Variants in TPI1 observed in about 807,000 individuals in gnomAD.
The protein encoded by TPI1 is triosephosphate isomerase 1.
Under a neutral mutation model 31.0 loss-of-function variants are expected in TPI1, and 11 were observed. The ratio of observed to expected loss-of-function variants is 0.36; its 90% confidence interval spans 0.22 to 0.59. The LOEUF is 0.59. Among genes scored for constraint, TPI1 ranks in the 20% least tolerant of loss-of-function variants. TPI1 has a pLI of 0.79. For missense variants in TPI1, 245 were observed against 319.7 expected (o/e 0.77, Z 1.78); for synonymous variants, 121 against 122.8 (o/e 0.99, Z 0.10).
In TPI1 at chr12:6,870,287, C is replaced by G; in HGVS notation, c.654C>G (p.Cys218Trp). 1 of 1,614,184 alleles carries G rather than the reference C, an allele frequency of 6.2e-7. No individual in the cohort carries two copies. The highest frequency in any genetic ancestry group is 8.5e-7 in the Non-Finnish European group (1 of 1,180,022). Residue 218 changes from cysteine (C) to tryptophan (W), a missense_variant, in exon 7 of 7, where the codon TGC (cysteine) becomes TGG (tryptophan). Cys to Trp is a radical substitution (Grantham distance 215). Transcript: ENST00000396705. Reference sequence around the variant, plus strand: ...CAGGCTCTGTGACTGGGGCAACCTGCAAGGAGCTGGCCAGCCAGCCTGATG... The same window carrying G: ...CAGGCTCTGTGACTGGGGCAACCTGGAAGGAGCTGGCCAGCCAGCCTGATG... ...IYGGSVTGAT[C>W]KELASQPDVD...
intron 1 of TPI1, chr12:6,868,048 C>G: frequency 2.4e-6 from 3 of 1,226,426 alleles, no homozygotes; most frequent in Non-Finnish European, 3.1e-6. Context: ...CGTGGGCTTC[C>G]CGCTCCCTGC....
chr12:6,868,160 G>GA (rs1555131795), intron 1 of TPI1: 19 of 1,282,978 alleles, frequency 1.5e-5, no homozygotes, highest in Non-Finnish European at 1.8e-5. Context: ...GGCTCCCTGA[G>GA]CCCCAGATCT....
At chr12:6,868,337 A>G in intron 1 of TPI1, 1 of 1,287,678 alleles carries the variant, frequency 7.8e-7, no homozygotes, top group Non-Finnish European at 1.0e-6. Context: ...TCTGCCACCC[A>G]CGGGCAAAGG....
Position 6,868,856 on chromosome 12 carries a change from G to GTCCTCAGAGGTGGTTTGTGC in TPI1, c.116-4_131dup. The GTCCTCAGAGGTGGTTTGTGC allele has an allele frequency of 6.2e-7, 1 of 1,611,488 alleles. No individual in the cohort carries two copies. The highest frequency in any genetic ancestry group is 1.1e-5 in the South Asian group (1 of 90,712). ...TCTCATCCCCCTGTGGTACCATCTTGTCCTCAGAGGTGGTTTGTGCTCCCC... is the reference window on the plus strand; with the variant it reads ...TCTCATCCCCCTGTGGTACCATCTTGTCCTCAGAGGTGGTTTGTGCTCCTCAGAGGTGGTTTGTGCTCCCC... On this transcript the variant is annotated splice_region_variant and splice_polypyrimidine_tract_variant and intron_variant, in intron 1 of 6. Coordinates refer to ENST00000396705, the MANE Select transcript of TPI1 (RefSeq NM_000365.6).
At chr12:6,869,582 A>G (rs782783599) in intron 4 of TPI1, 106 bp from the exon 5 acceptor site, 11 of 1,483,970 alleles carry the variant, frequency 7.4e-6, no homozygotes, top group African/African-American at 2.8e-5. Context: ...AAATCCCCCA[A>G]TGTCCACTAG....
chr12:6,868,982 G>A lies in TPI1; in HGVS notation c.234G>A (p.Glu78=), dbSNP rs1555132084. 1.2e-6 allele frequency: 2 copies of A among 1,614,220 alleles called. No homozygotes were observed. The highest frequency in any genetic ancestry group is 1.7e-6 in the Non-Finnish European group (2 of 1,180,038). Residue 78 remains glutamate (E), a synonymous_variant, in exon 2 of 7, where the codon GAG becomes GAA. Coordinates refer to ENST00000396705, the MANE Select transcript of TPI1 (RefSeq NM_000365.6). ...TGACTAATGGGGCTTTTACTGGGGA[G>A]ATCAGGTGAGATCGAGGTGGAGAGG... ...YKVTNGAFTG[E]ISPGMIKDCG... is the part of the protein sequence containing the mutation.
At position 6,868,780 on chromosome 12, in the gene TPI1, G is replaced by A. The variant is rs782290563; in HGVS notation, c.116-84G>A. 7.7e-4 allele frequency: 1,186 copies of A among 1,543,028 alleles called. 4 individuals are homozygous for A. The highest frequency in any genetic ancestry group is 7.3e-4 in the Non-Finnish European group (834 of 1,144,424). Reference sequence around the variant, plus strand: ...CCAAGAAGAAGAGGGTGAGGGCTGGGGGGCTCCAGGGCACTGGTTAGGAAT... The same window carrying A: ...CCAAGAAGAAGAGGGTGAGGGCTGGAGGGCTCCAGGGCACTGGTTAGGAAT... On this transcript the variant is annotated intron_variant, in intron 1 of 6. Transcript: ENST00000396705.
rs1555131439 is a variant in TPI1, at chr12:6,867,558, T to G, written c.-9T>G. ...AGACACTGACCTTCAGCGCCTCGGC[T>G]CCAGCGCCATGGCGCCCTCCAGGAA... On this transcript the variant is annotated 5_prime_UTR_variant, in exon 1 of 7. Transcript: ENST00000396705. The G allele has an allele frequency of 1.2e-6, 2 of 1,611,734 alleles. No homozygotes were observed. Among genetic ancestry groups the G allele is most frequent in the Non-Finnish European group, 8.5e-7 (1 of 1,179,382 alleles).
chr12:6,870,596 A>C lies in TPI1; in HGVS notation c.*213A>C, dbSNP rs782268446. 7 of 725,966 alleles carry C rather than the reference A, an allele frequency of 9.6e-6. No individual in the cohort carries two copies. Among genetic ancestry groups the C allele is most frequent in the Non-Finnish European group, 1.8e-5 (7 of 391,654 alleles). The allele number at this position is 725,966 out of a possible 1,614,324, so 45.0% of individuals were successfully genotyped here. A position where few individuals can be genotyped will look rare whatever the true frequency, so the allele number is the denominator to read the frequency against. On this transcript the variant is annotated 3_prime_UTR_variant, in exon 7 of 7. Coordinates refer to ENST00000396705, the MANE Select transcript of TPI1 (RefSeq NM_000365.6). Reference sequence around the variant, plus strand: ...TTCTCCACTTACTATAATGGTTGGAACTAAACGTCACCAAGGTGGCTTCTC... The same window carrying C: ...TTCTCCACTTACTATAATGGTTGGACCTAAACGTCACCAAGGTGGCTTCTC...
intron 1 of TPI1, chr12:6,868,528 A>G: frequency 7.8e-7 from 1 of 1,281,986 alleles, no homozygotes; most frequent in South Asian, 1.4e-5. Context: ...GGGCTATTTT[A>G]GAAGGGAAGC....
chr12:6,869,014 T>TG (rs1324441627), intron 2 of TPI1, 27 bp downstream of exon 2: 1 of 1,614,046 alleles, frequency 6.2e-7, no homozygotes, highest in Non-Finnish European at 8.5e-7. Context: ...GAGGGGTGTG[T>TG]GGGACCCTTC....
intron 1 of TPI1, chr12:6,868,065 G>T: frequency 2.4e-6 from 3 of 1,226,260 alleles, no homozygotes; most frequent in Non-Finnish European, 3.1e-6. Flanking sequence ...CTGCGCCCTG[G>T]CCTCCCGCGC....
chr12:6,868,518 G>T (rs1555131947), intron 1 of TPI1: 1 of 1,279,402 alleles, frequency 7.8e-7, no homozygotes. Context: ...AGGTGAGGAT[G>T]GGCTATTTTA....
At position 6,869,085 on chromosome 12, in the gene TPI1, A is replaced by C; in HGVS notation, c.240-14A>C. 1 of 1,614,196 alleles carries C rather than the reference A, an allele frequency of 6.2e-7. No homozygotes were observed. Among genetic ancestry groups the C allele is most frequent in the Non-Finnish European group, 8.5e-7 (1 of 1,180,030 alleles). ...GGGCTCCCTGCTGAACCTTGGCTTC[A>C]TCTCTTCCTTTAGCCCTGGCATGAT... On this transcript the variant is annotated splice_polypyrimidine_tract_variant and intron_variant, in intron 2 of 6. Transcript: ENST00000396705.
At chr12:6,868,192 T>A (rs1944502369) in intron 1 of TPI1, 1 of 1,287,772 alleles carries the variant, frequency 7.8e-7, no homozygotes, top group African/African-American at 1.5e-5. Context: ...TTCGGCAACC[T>A]GAACGACTCC....
chr12:6,868,949 C>T lies in TPI1; in HGVS notation c.201C>T (p.Cys67=). 6 of 1,614,200 alleles carry T rather than the reference C, an allele frequency of 3.7e-6. No individual in the cohort carries two copies. The highest frequency in any genetic ancestry group is 5.1e-6 in the Non-Finnish European group (6 of 1,180,042). ...AGATTGCTGTGGCTGCGCAGAACTGCTACAAAGTGACTAATGGGGCTTTTA... is the reference window on the plus strand; with the variant it reads ...AGATTGCTGTGGCTGCGCAGAACTGTTACAAAGTGACTAATGGGGCTTTTA... The part of the protein sequence containing the change: ...DPKIAVAAQN[C]YKVTNGAFTG... Residue 67 remains cysteine (C), a synonymous_variant, in exon 2 of 7, where the codon TGC becomes TGT. Transcript: ENST00000396705.
At chr12:6,867,961 C>G (rs1243102503) in intron 1 of TPI1, 1 of 890,392 alleles carries the variant, frequency 1.1e-6, no homozygotes, top group Non-Finnish European at 1.5e-6. Flanking sequence ...GGGGCGCGCA[C>G]TGGGGCTGTG....
rs1565539147 is a variant in TPI1, at chr12:6,870,755, C to T, written c.*372C>T. The T allele has an allele frequency of 1.9e-6, 1 of 526,802 alleles. No individual in the cohort carries two copies. The highest frequency in any genetic ancestry group is 5.1e-5 in the East Asian group (1 of 19,724). The allele number at this position is 526,802 out of a possible 1,614,324, so 32.6% of individuals were successfully genotyped here. On this transcript the variant is annotated 3_prime_UTR_variant, in exon 7 of 7. Transcript: ENST00000396705. ...TCCCCTCAGAAGGCAGGAGTGCTGC[C>T]CTCTCCCATGGTGCCCGTGCCTCTG... is the stretch of plus-strand genomic sequence containing the variant.
At chr12:6,868,813 A>C in intron 1 of TPI1, 51 bp from the exon 2 acceptor site, 4 of 1,585,522 alleles carry the variant, frequency 2.5e-6, no homozygotes, top group Non-Finnish European at 3.4e-6. Flanking sequence ...AATTGTGGGG[A>C]ATGAAGGCTT....
Sources: allele counts gnomAD v4.1 joint callset, GRCh38; gene constraint gnomAD v4.1.1; transcripts MANE v1.5; gene names NCBI Gene and HGNC (gene_info 2026-07-23, HGNC 2026-07-21).